Variants in NKAIN3 observed in about 807,000 individuals in gnomAD.
The protein encoded by NKAIN3 is sodium/potassium transporting ATPase interacting 3.
A neutral mutation model predicts 30.2 loss-of-function variants in NKAIN3; 25 were observed. The ratio of observed to expected loss-of-function variants is 0.83; its 90% CI spans 0.60 to 1.16. The LOEUF is 1.16. Among genes scored for constraint, NKAIN3 ranks in the 50% most tolerant of loss-of-function variants. NKAIN3 has a pLI of 0.00. For missense variants in NKAIN3, 225 were observed against 254.1 expected (o/e 0.89, Z 0.78); for synonymous variants, 91 against 89.6 (o/e 1.02, Z -0.09).
intron 4 of NKAIN3, among the ~76,000 whole-genome samples, chr8:62,876,864 C>T (rs942506814): frequency 2.0e-5 from 3 of 151,832 alleles, no homozygotes; most frequent in African/African-American, 7.3e-5. Context: ...GTGCAGCAAA[C>T]CATCATGGCA....
chr8:62,306,926 A>C (rs1286495024), intron 1 of NKAIN3, among the ~76,000 whole-genome samples: 4 of 150,286 alleles, frequency 2.7e-5, no homozygotes, highest in Non-Finnish European at 5.9e-5. Context: ...CATACTGGTC[A>C]TGACCTTACA....
chr8:62,844,743 A>G (rs1377288424), intron 4 of NKAIN3, among the ~76,000 whole-genome samples: 2 of 152,142 alleles, frequency 1.3e-5, no homozygotes, highest in Non-Finnish European at 2.9e-5. Flanking sequence ...AAGGCAAAAG[A>G]CAAGAATGAG....
chr8:62,527,323 T>C (rs903933424), intron 1 of NKAIN3, among the ~76,000 whole-genome samples: 1 of 152,122 alleles, frequency 6.6e-6, no homozygotes, highest in Non-Finnish European at 1.5e-5. Context: ...TTGTTGAAAA[T>C]AAAAAATAAG....
intron 5 of NKAIN3, among the ~76,000 whole-genome samples, chr8:62,921,202 C>T (rs1822265692): frequency 6.6e-6 from 1 of 152,132 alleles, no homozygotes; most frequent in South Asian, 2.1e-4. Context: ...GGTATCTTTC[C>T]AATTTGTCTA....
At chr8:62,727,182 G>A (rs762332537) in intron 3 of NKAIN3, among the ~76,000 whole-genome samples, 54 of 152,182 alleles carry the variant, frequency 3.5e-4, no homozygotes, top group Middle Eastern at 6.8e-3. Context: ...AGCAAATTAG[G>A]AATAGAGGGG....
chr8:62,667,575 T>C (rs766162587), intron 3 of NKAIN3, among the ~76,000 whole-genome samples: 1 of 151,884 alleles, frequency 6.6e-6, no homozygotes, highest in Non-Finnish European at 1.5e-5. Context: ...AAATGTATCA[T>C]GAAGCAGACC....
intron 1 of NKAIN3, among the ~76,000 whole-genome samples, chr8:62,270,505 CTA>C (rs1312037577): frequency 2.6e-5 from 4 of 151,952 alleles, no homozygotes; most frequent in Non-Finnish European, 5.9e-5. Context: ...TTTATGAGAA[CTA>C]TGTGGAATAA....
chr8:62,588,578 T>C (rs990925758), intron 2 of NKAIN3, among the ~76,000 whole-genome samples: 7 of 151,818 alleles, frequency 4.6e-5, no homozygotes, highest in Admixed American at 1.3e-4. Flanking sequence ...AAGCTTCTGA[T>C]AAAGTTTCTA....
chr8:62,344,186 TAAAG>T (rs909409057), intron 1 of NKAIN3, among the ~76,000 whole-genome samples: 9 of 151,982 alleles, frequency 5.9e-5, no homozygotes, highest in African/African-American at 2.2e-4. Flanking sequence ...GAAACACAAA[TAAAG>T]AAATCACTTC....
intron 1 of NKAIN3, among the ~76,000 whole-genome samples, chr8:62,316,809 G>T (rs1031480991): frequency 3.3e-5 from 5 of 152,128 alleles, no homozygotes; most frequent in Non-Finnish European, 7.3e-5. Flanking sequence ...TGGGATGGCT[G>T]GGTCAAATGG....
At chr8:62,618,865 C>T (rs1234247025) in intron 3 of NKAIN3, among the ~76,000 whole-genome samples, 1 of 151,832 alleles carries the variant, frequency 6.6e-6, no homozygotes, top group Non-Finnish European at 1.5e-5. Context: ...GAGATCGCGC[C>T]ACGGCACCCC....
intron 6 of NKAIN3, among the ~76,000 whole-genome samples, chr8:62,957,430 G>A (rs146466250): frequency 5.9e-5 from 9 of 152,268 alleles, no homozygotes; most frequent in African/African-American, 1.9e-4. Context: ...CACCGCGCCC[G>A]GCCTATAGCA....
intron 4 of NKAIN3, among the ~76,000 whole-genome samples, chr8:62,760,927 C>T (rs1039543898): frequency 3.3e-5 from 5 of 152,154 alleles, no homozygotes; most frequent in Non-Finnish European, 5.9e-5. Context: ...CAGGAAGCCT[C>T]TGCACCTGTC....
chr8:62,548,823 C>T (rs1478869830), intron 1 of NKAIN3, among the ~76,000 whole-genome samples: 1 of 118,342 alleles, frequency 8.5e-6, no homozygotes, highest in African/African-American at 3.7e-5. Flanking sequence ...ATATGATGAA[C>T]AAATAAAATG....
intron 1 of NKAIN3, among the ~76,000 whole-genome samples, chr8:62,447,635 G>A (rs1805525377): frequency 6.6e-6 from 1 of 151,966 alleles, no homozygotes; most frequent in African/African-American, 2.4e-5. Context: ...AATGCATATA[G>A]TTAATCACTT....
chr8:62,792,409 C>T (rs2130675124), intron 4 of NKAIN3, among the ~76,000 whole-genome samples: 1 of 127,182 alleles, frequency 7.9e-6, no homozygotes. Context: ...TATTCTCAAA[C>T]TTTCAACAAG....
At chr8:62,547,434 G>C (rs1236722252) in intron 1 of NKAIN3, among the ~76,000 whole-genome samples, 1 of 152,144 alleles carries the variant, frequency 6.6e-6, no homozygotes, top group Non-Finnish European at 1.5e-5. Flanking sequence ...TAAGGTTCTT[G>C]CTTATGGTGT....
intron 1 of NKAIN3, among the ~76,000 whole-genome samples, chr8:62,404,641 C>G (rs1804002934): frequency 3.3e-5 from 5 of 152,162 alleles, no homozygotes; most frequent in Admixed American, 3.3e-4. Flanking sequence ...GGAGCCTCCC[C>G]TGCCCTGCAG....
intron 3 of NKAIN3, among the ~76,000 whole-genome samples, chr8:62,657,573 A>T (rs552059485): frequency 6.6e-6 from 1 of 152,342 alleles, no homozygotes; most frequent in East Asian, 1.9e-4. Flanking sequence ...TGTGGTTTAC[A>T]TATTGCATTA....
Sources: allele counts gnomAD v4.1 joint callset (sites outside exome capture counted in the v4.1 genomes callset), GRCh38; gene constraint gnomAD v4.1.1; transcripts MANE v1.5; gene names NCBI Gene and HGNC (gene_info 2026-07-23, HGNC 2026-07-21).